PXN: variants seen among roughly 807,000 people sequenced by gnomAD.
The protein encoded by PXN is testicular tissue protein Li 134.
PXN carries 61 observed loss-of-function variants against 103.6 expected under a neutral mutation model. That is an observed-to-expected ratio of 0.59 (90% CI 0.48 to 0.73). The LOEUF is 0.73. Ranked by LOEUF, PXN falls within the 30% of genes least tolerant of loss-of-function variation. The pLI is 0.00. For synonymous variants in PXN, 562 were observed against 607.8 expected, an observed-to-expected ratio of 0.92 and a Z score of 1.11; for missense variants, 1,274 against 1,460.3, an observed-to-expected ratio of 0.87 and a Z score of 2.08.
chr12:120,247,995 C>A (rs1416273644), intron 1 of PXN, among the ~76,000 whole-genome samples: 5 of 152,076 alleles, frequency 3.3e-5, no homozygotes, highest in Non-Finnish European at 7.3e-5. Flanking sequence ...AACAACAGAG[C>A]TCTAAAGTAG....
In PXN at chr12:120,214,945, G is replaced by A. The variant is rs375251849; in HGVS notation, c.2628C>T (p.His876=). 17 of 1,613,908 alleles carry A rather than the reference G, an allele frequency of 1.1e-5. No individual in the cohort carries two copies. The highest frequency in any genetic ancestry group is 1.6e-4 in the Middle Eastern group (1 of 6,084). ...TCCGGGATCCGATCTCCTCCTGGCA[G>A]TGGGTGCAGACGAAGTGCTCGGGGT... ...TWHPEHFVCT[H]CQEEIGSRNF... The change falls in exon 12 of 15, where the codon CAC becomes CAT. Residue 876 remains histidine, a synonymous_variant. Transcript: ENST00000637617. The surrounding 1 kb of genome is among the most constrained non-coding windows in gnomAD (Gnocchi z 5.0).
chr12:120,244,085 A>G (rs1890627385), intron 1 of PXN, among the ~76,000 whole-genome samples: 1 of 151,136 alleles, frequency 6.6e-6, no homozygotes, highest in Non-Finnish European at 1.5e-5. Flanking sequence ...CTGTATGCAA[A>G]GCCCGGTGAG....
intron 1 of PXN, among the ~76,000 whole-genome samples, chr12:120,251,072 G>GGATCA (rs1892086659): frequency 6.6e-6 from 1 of 152,096 alleles, no homozygotes; most frequent in Non-Finnish European, 1.5e-5. Flanking sequence ...GGGTGTGATG[G>GGATCA]CAGGTGCCTG....
chr12:120,219,633 G>C lies in PXN; in HGVS notation c.1290C>G (p.Ala430=). The C allele has an allele frequency of 6.4e-7, 1 of 1,572,380 alleles. No individual in the cohort carries two copies. The highest frequency in any genetic ancestry group is 8.6e-7 in the Non-Finnish European group (1 of 1,167,478). ...ATGGCTGCTCCCATGTGGCAGCCAA[G>C]GCCTCCTCTGGGCACGAAGGGCTGG... is the stretch of plus-strand genomic sequence containing the variant. ...PPASPSCPEE[A]LAATWEQPWA... Residue 430 remains alanine, a synonymous_variant, in exon 7 of 15, where the codon GCC becomes GCG. Transcript: ENST00000637617. The surrounding 1 kb of genome is among the most constrained non-coding windows in gnomAD (Gnocchi z 6.5).
chr12:120,253,506 C>T (rs1391822606), intron 1 of PXN, among the ~76,000 whole-genome samples: 1 of 152,082 alleles, frequency 6.6e-6, no homozygotes, highest in Non-Finnish European at 1.5e-5. Flanking sequence ...AAAAAGAGAC[C>T]GGGCTAGTTG....
intron 1 of PXN, among the ~76,000 whole-genome samples, chr12:120,245,209 G>A (rs890939225): frequency 2.6e-5 from 4 of 152,124 alleles, no homozygotes; most frequent in African/African-American, 9.7e-5. Flanking sequence ...GCTGGAATGT[G>A]CGATTTTCTC....
In PXN at chr12:120,216,785, C is replaced by T. The variant is rs376627782; in HGVS notation, c.1992+56G>A. The T allele has an allele frequency of 5.2e-4, 825 of 1,582,608 alleles. 2 individuals carry two copies. The African/African-American group carries it at 7.0e-3, about 13-fold the overall frequency. On this transcript the variant is annotated intron_variant, in intron 8 of 14. Coordinates refer to ENST00000637617, the MANE Select transcript of PXN (RefSeq NM_001385981.1). The surrounding 1 kb of genome is among the most constrained non-coding windows in gnomAD (Gnocchi z 5.1). ...CCAGCACTGGGGCCAGGGAAGAACC[C>T]GGACCCCAGGTGCTTGGCTCTGGCC...
Position 120,215,800 on chromosome 12 carries a change from G to GA in PXN, c.2302-140dup. Reference sequence around the variant, plus strand: ...CCCACCGGCAGGACCAAAATTGGGGGAAAAAATCTGGAGAAAAAGAGCCCT... The same window carrying GA: ...CCCACCGGCAGGACCAAAATTGGGGGAAAAAAATCTGGAGAAAAAGAGCCCT... On this transcript the variant is annotated intron_variant, in intron 9 of 14. Coordinates refer to ENST00000637617, the MANE Select transcript of PXN (RefSeq NM_001385981.1). This position sits in a 1 kb window ranked among gnomAD's most constrained non-coding sequence, Gnocchi z 4.9. 1.6e-6 allele frequency: 2 copies of GA among 1,283,872 alleles called. No individual in the cohort carries two copies. The highest frequency in any genetic ancestry group is 1.7e-5 in the South Asian group (1 of 57,782). 79.5% of individuals were successfully genotyped at this position (1,283,872 alleles called of 1,614,324 possible).
intron 1 of PXN, among the ~76,000 whole-genome samples, chr12:120,244,745 C>T (rs374846836): frequency 2.0e-5 from 3 of 151,746 alleles, no homozygotes; most frequent in East Asian, 3.8e-4. Flanking sequence ...GTGTTTGAAC[C>T]TGGGAGGCAA....
chr12:120,216,196 G>A lies in PXN; in HGVS notation c.2301+77C>T, dbSNP rs898601045. 3.1e-5 allele frequency: 39 copies of A among 1,267,726 alleles called. No individual in the cohort carries two copies. Among genetic ancestry groups the A allele is most frequent in the African/African-American group, 9.3e-5 (6 of 64,624 alleles). 78.5% of individuals were successfully genotyped at this position (1,267,726 alleles called of 1,614,324 possible). A position where few individuals can be genotyped will look rare whatever the true frequency, so the allele number is the denominator to read the frequency against. On this transcript the variant is annotated intron_variant, in intron 9 of 14. Transcript: ENST00000637617. The surrounding 1 kb of genome is among the most constrained non-coding windows in gnomAD (Gnocchi z 5.1). ...GGTATCTGTGTATGTGTGTGTGCAC[G>A]TGTGTGTGTGCAGAGTGGGGGATGG...
rs1365021905 is a variant in PXN, at chr12:120,223,009, G to A, written c.357-10C>T. Reference sequence around the variant, plus strand: ...CTGCTTGTTGGGGAAGCTTTGAGAGGCAAAGGAAAGAAGATAGTGAGAGAT... The same window carrying A: ...CTGCTTGTTGGGGAAGCTTTGAGAGACAAAGGAAAGAAGATAGTGAGAGAT... On this transcript the variant is annotated splice_polypyrimidine_tract_variant and intron_variant, in intron 3 of 14. Transcript: ENST00000637617. The A allele has an allele frequency of 6.2e-7, 1 of 1,613,870 alleles. No individual in the cohort carries two copies. The highest frequency in any genetic ancestry group is 1.1e-5 in the South Asian group (1 of 91,074).
intron 1 of PXN, among the ~76,000 whole-genome samples, chr12:120,260,110 A>G (rs1010923660): frequency 3.3e-5 from 5 of 152,158 alleles, no homozygotes; most frequent in Non-Finnish European, 7.3e-5. Flanking sequence ...CTCAAGAGTA[A>G]CAGGTGACTG....
intron 1 of PXN, chr12:120,226,180 T>G: frequency 8.2e-7 from 1 of 1,217,024 alleles, no homozygotes; most frequent in South Asian, 1.4e-5. Context: ...CGCAGTGTCC[T>G]CATTTCCTCT....
At chr12:120,245,304 T>C (rs1890875858) in intron 1 of PXN, among the ~76,000 whole-genome samples, 1 of 151,810 alleles carries the variant, frequency 6.6e-6, no homozygotes, top group East Asian at 1.9e-4. Flanking sequence ...TTATCATGAC[T>C]GAAGCACAGA....
chr12:120,222,502 G>A lies in PXN; in HGVS notation c.695+47C>T. On this transcript the variant is annotated intron_variant, in intron 5 of 14. Transcript: ENST00000637617. The surrounding 1 kb of genome is among the most constrained non-coding windows in gnomAD (Gnocchi z 4.7). ...GGGACAGACACTGGACCCGGGGCAG[G>A]CTGGGCCAGCCCTTCCCCACCTGGG... The A allele has an allele frequency of 2.0e-6, 3 of 1,534,922 alleles. No homozygotes were observed. Among genetic ancestry groups the A allele is most frequent in the African/African-American group, 1.4e-5 (1 of 72,544 alleles).
At chr12:120,232,203 T>A (rs1033282410) in intron 1 of PXN, among the ~76,000 whole-genome samples, 1 of 152,196 alleles carries the variant, frequency 6.6e-6, no homozygotes, top group African/African-American at 2.4e-5. Context: ...AACTTTTTTG[T>A]AGAGACAGGG....
Position 120,222,478 on chromosome 12 carries a change from G to T in PXN, c.695+71C>A. ...GGAGTGGGTGATACCAGGGCTAAGG[G>T]GACAGACACTGGACCCGGGGCAGGC... On this transcript the variant is annotated intron_variant, in intron 5 of 14. Coordinates refer to ENST00000637617, the MANE Select transcript of PXN (RefSeq NM_001385981.1). The surrounding 1 kb of genome is among the most constrained non-coding windows in gnomAD (Gnocchi z 4.7). The T allele has an allele frequency of 6.8e-7, 1 of 1,463,976 alleles. No homozygotes were observed. Among genetic ancestry groups the T allele is most frequent in the East Asian group, 2.5e-5 (1 of 40,394 alleles). The allele number at this position is 1,463,976 out of a possible 1,614,324, so 90.7% of individuals were successfully genotyped here. A position where few individuals can be genotyped will look rare whatever the true frequency, so the allele number is the denominator to read the frequency against.
Position 120,214,154 on chromosome 12 carries a change from C to T in PXN, c.2812G>A (p.Ala938Thr), listed in dbSNP as rs200974822. ...CCCGTACCTTCGGGACCAAAGAAGG[C>T]TCCACACTGTGCACAGAAGAAGTGT... ...PEHFFCAQCG[A>T]FFGPEGFHEK... Residue 938 changes from alanine to threonine, a missense_variant, in exon 13 of 15, where the codon GCC becomes ACC. Physicochemically the swap from Ala to Thr is moderately conservative, Grantham distance 58. Around this residue, in one of 2 missense-constraint regions of PXN, gnomAD observed 1,178 missense variants for 1,309.0 expected, o/e 0.90. Coordinates refer to ENST00000637617, the MANE Select transcript of PXN (RefSeq NM_001385981.1). The surrounding 1 kb of genome is among the most constrained non-coding windows in gnomAD (Gnocchi z 5.0). 2 of 1,552,586 alleles carry T rather than the reference C, an allele frequency of 1.3e-6. No homozygotes were observed. The highest frequency in any genetic ancestry group is 1.7e-6 in the Non-Finnish European group (2 of 1,147,620).
intron 1 of PXN, chr12:120,248,735 G>A (rs79209164): frequency 2.0e-5 from 3 of 152,122 alleles, no homozygotes; most frequent in South Asian, 2.1e-4. Flanking sequence ...CTTCAGTGTC[G>A]TCAGCTAGAA....
Sources: allele counts gnomAD v4.1 joint callset (sites outside exome capture counted in the v4.1 genomes callset), GRCh38; gene constraint gnomAD v4.1.1; regional missense constraint gnomAD v4.1.1; non-coding constraint Gnocchi (gnomAD v3.1); transcripts MANE v1.5; gene names NCBI Gene and HGNC (gene_info 2026-07-23, HGNC 2026-07-21).